The following DCC variants were observed in gnomAD, a reference collection of about 807,000 sequenced individuals.
DCC encodes the protein DCC netrin 1 receptor.
DCC carries 58 observed loss-of-function variants against 172.5 expected under a neutral mutation model. The ratio of observed to expected loss-of-function variants is 0.34; its 90% CI spans 0.27 to 0.42. The LOEUF (loss-of-function observed/expected upper bound fraction) is 0.42. Among genes scored for constraint, DCC ranks in the 10% least tolerant of loss-of-function variants. The pLI is 1.00. For synonymous variants in DCC, 709 were observed against 644.5 expected, an observed-to-expected ratio of 1.10 and a Z score of -1.52; for missense variants, 1,740 against 1,791.0, an observed-to-expected ratio of 0.97 and a Z score of 0.51.
At chr18:52,782,600 C>T (rs78902696) in intron 2 of DCC, among the ~76,000 whole-genome samples, 271 of 152,220 alleles carry the variant, frequency 1.8e-3, no homozygotes, top group African/African-American at 6.1e-3. Context: ...ATCCCAAATA[C>T]GCTGACCTCT....
intron 2 of DCC, among the ~76,000 whole-genome samples, chr18:52,785,279 T>G (rs1401454040): frequency 6.6e-6 from 1 of 152,060 alleles, no homozygotes; most frequent in Non-Finnish European, 1.5e-5. Context: ...CTGCTGGCAT[T>G]CACCTGTGCA....
At chr18:52,915,966 AG>A (rs1159537325) in intron 3 of DCC, among the ~76,000 whole-genome samples, 13 of 152,008 alleles carry the variant, frequency 8.6e-5, no homozygotes, top group African/African-American at 2.9e-4. Flanking sequence ...GGGATCTGCG[AG>A]GTCAAAGATT....
chr18:53,364,812 G>T (rs1010641271), intron 15 of DCC, among the ~76,000 whole-genome samples: 1 of 151,958 alleles, frequency 6.6e-6, no homozygotes, highest in Non-Finnish European at 1.5e-5. Flanking sequence ...GCTTGTAAAG[G>T]TGTCCTAACC....
intron 1 of DCC, among the ~76,000 whole-genome samples, chr18:52,605,338 C>T (rs1333894528): frequency 6.6e-6 from 1 of 152,092 alleles, no homozygotes; most frequent in East Asian, 1.9e-4. Context: ...TGTTATATGA[C>T]ATTCCTTTTA....
Position 52,748,035 on chromosome 18 carries a change from C to A in DCC, c.92-4019C>A, listed in dbSNP as rs184430309. 3.7e-3 allele frequency among the ~76,000 whole-genome samples: 565 copies of A among 152,314 alleles called. 2 individuals carry two copies. Among genetic ancestry groups the A allele is most frequent in the Middle Eastern group, 0.017 (5 of 294 alleles). On this transcript the variant is annotated intron_variant, in intron 1 of 28. Coordinates refer to ENST00000442544, the MANE Select transcript of DCC (RefSeq NM_005215.4). ...TCAGTCTGACAGGCTGCGGTCGGCT[C>A]GTGCTACGACCCCTGATCCCACGCC...
chr18:52,587,616 C>T (rs933102759), intron 1 of DCC, among the ~76,000 whole-genome samples: 4 of 152,236 alleles, frequency 2.6e-5, no homozygotes, highest in Non-Finnish European at 5.9e-5. Context: ...TATAATCACA[C>T]ATCTGGCCAT....
chr18:52,996,543 C>T lies in DCC; in HGVS notation c.986-66762C>T, dbSNP rs571224781. ...TTTATTTCAAATTCCAGAAATTTTTCACCCTAAATCTACCATTGTTTTTCT... is the reference window on the plus strand; with the variant it reads ...TTTATTTCAAATTCCAGAAATTTTTTACCCTAAATCTACCATTGTTTTTCT... On this transcript the variant is annotated intron_variant, in intron 5 of 28. Transcript: ENST00000442544. Among the ~76,000 whole-genome samples the T allele has an allele frequency of 1.4e-4, 22 of 152,052 alleles. 1 individual carries two copies. Among genetic ancestry groups the T allele is most frequent in the South Asian group, 8.3e-4 (4 of 4,828 alleles).
At chr18:52,673,331 G>T (rs1425849009) in intron 1 of DCC, among the ~76,000 whole-genome samples, 1 of 152,028 alleles carries the variant, frequency 6.6e-6, no homozygotes. Context: ...GTCTCATTTG[G>T]TTAGTAATAC....
chr18:53,201,873 A>G (rs1276378418), intron 9 of DCC, among the ~76,000 whole-genome samples: 1 of 152,288 alleles, frequency 6.6e-6, no homozygotes, highest in East Asian at 1.9e-4. Context: ...ACAACTCTCT[A>G]GGAGTAAGGG....
intron 2 of DCC, among the ~76,000 whole-genome samples, chr18:52,787,325 C>T (rs942619581): frequency 1.3e-5 from 2 of 152,066 alleles, no homozygotes; most frequent in African/African-American, 4.8e-5. Context: ...CTGTTAAGGT[C>T]CTTAATATGG....
chr18:52,633,893 A>G (rs902341641), intron 1 of DCC, among the ~76,000 whole-genome samples: 1 of 152,260 alleles, frequency 6.6e-6, no homozygotes, highest in Non-Finnish European at 1.5e-5. Context: ...AGAGTGCTGT[A>G]ACGCTAGCAC....
At chr18:52,805,965 C>T (rs2038076578) in intron 2 of DCC, among the ~76,000 whole-genome samples, 1 of 152,168 alleles carries the variant, frequency 6.6e-6, no homozygotes, top group East Asian at 1.9e-4. Flanking sequence ...GATTTAGATA[C>T]ATTTGAAGGA....
At chr18:52,676,359 T>A (rs1357205781) in intron 1 of DCC, among the ~76,000 whole-genome samples, 1 of 152,220 alleles carries the variant, frequency 6.6e-6, no homozygotes, top group Non-Finnish European at 1.5e-5. Flanking sequence ...TAATGGTGTC[T>A]ACCACTATTT....
intron 24 of DCC, among the ~76,000 whole-genome samples, chr18:53,459,873 G>A (rs1568145798): frequency 6.6e-6 from 1 of 151,918 alleles, no homozygotes. Flanking sequence ...TAAATTTACT[G>A]TCAATTCCCT....
chr18:52,612,016 A>G (rs572515435), intron 1 of DCC, among the ~76,000 whole-genome samples: 1 of 152,288 alleles, frequency 6.6e-6, no homozygotes, highest in African/African-American at 2.4e-5. Context: ...GCTTTTCCCT[A>G]CAAGATTTTA....
At chr18:53,094,931 T>A (rs2043064249) in intron 7 of DCC, among the ~76,000 whole-genome samples, 1 of 152,194 alleles carries the variant, frequency 6.6e-6, no homozygotes, top group Non-Finnish European at 1.5e-5. Flanking sequence ...AACATTAATT[T>A]AGATAATCTA....
intron 9 of DCC, among the ~76,000 whole-genome samples, chr18:53,192,772 G>C (rs952580399): frequency 6.6e-6 from 1 of 152,166 alleles, no homozygotes; most frequent in Admixed American, 6.5e-5. Flanking sequence ...TCTGTATACA[G>C]TGAACTGCCT....
At chr18:53,141,669 A>C (rs1340127346) in intron 7 of DCC, among the ~76,000 whole-genome samples, 20 of 152,246 alleles carry the variant, frequency 1.3e-4, no homozygotes. Flanking sequence ...CTTTCATCAG[A>C]GTCATTGGTA....
intron 9 of DCC, among the ~76,000 whole-genome samples, chr18:53,195,275 A>G (rs574335878): frequency 1.3e-5 from 2 of 152,308 alleles, no homozygotes; most frequent in Admixed American, 6.5e-5. Context: ...GGCCTTGACA[A>G]TTCATTTGAA....
Sources: allele counts gnomAD v4.1 joint callset (sites outside exome capture counted in the v4.1 genomes callset), GRCh38; gene constraint gnomAD v4.1.1; transcripts MANE v1.5; gene names NCBI Gene and HGNC (gene_info 2026-07-23, HGNC 2026-07-21).